NRXN3: variants seen among roughly 807,000 people sequenced by gnomAD.
NRXN3 encodes neurexin III.
NRXN3 carries 32 observed loss-of-function variants against 137.6 expected under a neutral mutation model. The observed-to-expected ratio is 0.23, with a 90% CI of 0.18 to 0.31. NRXN3 has a LOEUF of 0.31. Ranked by LOEUF, NRXN3 falls within the 10% of genes least tolerant of loss-of-function variation. The pLI is 1.00. For synonymous variants in NRXN3, 798 were observed against 784.5 expected, an observed-to-expected ratio of 1.02 and a Z score of -0.29; for missense variants, 1,574 against 2,062.5, an observed-to-expected ratio of 0.76 and a Z score of 4.59.
chr14:79,073,038 C>A (rs1188609899), intron 15 of NRXN3, among the ~76,000 whole-genome samples: 5 of 152,034 alleles, frequency 3.3e-5, no homozygotes, highest in African/African-American at 7.3e-5. Context: ...AGGTGCCCAC[C>A]ACCACGCCTG....
At chr14:78,657,991 C>G (rs991942801) in intron 6 of NRXN3, among the ~76,000 whole-genome samples, 2 of 152,166 alleles carry the variant, frequency 1.3e-5, no homozygotes, top group Non-Finnish European at 2.9e-5. Context: ...TTCCCCATCT[C>G]CGTTCCGTTT....
intron 15 of NRXN3, among the ~76,000 whole-genome samples, chr14:79,137,891 AG>A (rs1325428773): frequency 2.0e-5 from 3 of 152,164 alleles, no homozygotes; most frequent in African/African-American, 7.2e-5. Context: ...GGACCATAAA[AG>A]CTTTTCCATT....
At chr14:78,175,845 G>A (rs2059213329) in intron 1 of NRXN3, among the ~76,000 whole-genome samples, 1 of 152,110 alleles carries the variant, frequency 6.6e-6, no homozygotes, top group Non-Finnish European at 1.5e-5. Context: ...CTGCTTTCCA[G>A]CCCATGACAC....
At chr14:78,614,550 T>TA (rs530159214) in intron 4 of NRXN3, among the ~76,000 whole-genome samples, 71 of 142,996 alleles carry the variant, frequency 5.0e-4, no homozygotes, top group South Asian at 8.9e-4. Context: ...ATTGTAGAAT[T>TA]AAAAAAAAAA....
intron 8 of NRXN3, among the ~76,000 whole-genome samples, chr14:78,722,705 G>C (rs368374342): frequency 5.9e-5 from 9 of 152,168 alleles, no homozygotes; most frequent in Non-Finnish European, 1.0e-4. Context: ...GAAATTAAGG[G>C]CCACCCAATT....
intron 10 of NRXN3, among the ~76,000 whole-genome samples, chr14:78,913,402 C>T (rs1389503722): frequency 6.6e-6 from 1 of 150,854 alleles, no homozygotes; most frequent in Non-Finnish European, 1.5e-5. Context: ...GCCTCAGCCT[C>T]CTGAGTAGCT....
chr14:79,469,810 T>C (rs911852989), intron 16 of NRXN3, among the ~76,000 whole-genome samples: 2 of 152,110 alleles, frequency 1.3e-5, no homozygotes, highest in African/African-American at 4.8e-5. Flanking sequence ...CCTTCATGGG[T>C]CTAGTCATTT....
chr14:79,755,150 G>T (rs924486296), intron 19 of NRXN3, among the ~76,000 whole-genome samples: 2 of 152,022 alleles, frequency 1.3e-5, no homozygotes, highest in Non-Finnish European at 2.9e-5. Flanking sequence ...AAGTCAAGAT[G>T]ACCCATTTCT....
At chr14:79,658,043 G>A (rs2098514910) in intron 16 of NRXN3, among the ~76,000 whole-genome samples, 1 of 152,012 alleles carries the variant, frequency 6.6e-6, no homozygotes, top group African/African-American at 2.4e-5. Context: ...CTCACAATTA[G>A]GCTAAGTGGA....
intron 10 of NRXN3, among the ~76,000 whole-genome samples, chr14:78,913,274 CTTTTTTTT>C (rs1157942892): frequency 2.1e-5 from 1 of 47,852 alleles, no homozygotes; most frequent in Non-Finnish European, 3.5e-5. Context: ...TTCTTTCTTT[CTTTTTTTT>C]TTTTTTTTTT....
intron 16 of NRXN3, among the ~76,000 whole-genome samples, chr14:79,550,814 A>G (rs1385461951): frequency 2.0e-5 from 3 of 152,198 alleles, no homozygotes; most frequent in Non-Finnish European, 4.4e-5. Context: ...TCAACACTAA[A>G]ACAAGGAGTA....
chr14:79,300,882 A>G (rs554596072), intron 15 of NRXN3, among the ~76,000 whole-genome samples: 1 of 152,174 alleles, frequency 6.6e-6, no homozygotes, highest in East Asian at 1.9e-4. Context: ...GGACCTTCAC[A>G]GAAAATAAAG....
intron 15 of NRXN3, among the ~76,000 whole-genome samples, chr14:79,237,073 C>T (rs2073502857): frequency 1.3e-5 from 2 of 148,706 alleles, no homozygotes; most frequent in African/African-American, 4.9e-5. Context: ...TATGGTGTCA[C>T]AAGGGTGTTT....
At chr14:78,811,850 T>C (rs1019598649) in intron 10 of NRXN3, among the ~76,000 whole-genome samples, 5 of 152,226 alleles carry the variant, frequency 3.3e-5, no homozygotes, top group African/African-American at 9.6e-5. Context: ...TGTCTTGGCA[T>C]CACTTACAGT....
chr14:78,480,547 A>C (rs1387019901), intron 4 of NRXN3, among the ~76,000 whole-genome samples: 1 of 152,168 alleles, frequency 6.6e-6, no homozygotes, highest in East Asian at 1.9e-4. Flanking sequence ...GAAGTATAAA[A>C]ATTGTTTTCA....
chr14:79,221,169 T>C (rs1035180599), intron 15 of NRXN3, among the ~76,000 whole-genome samples: 1 of 152,184 alleles, frequency 6.6e-6, no homozygotes, highest in East Asian at 1.9e-4. Flanking sequence ...GGCATTTAGG[T>C]TGGCTCCAAG....
chr14:78,371,789 A>C (rs1434294930), intron 4 of NRXN3, among the ~76,000 whole-genome samples: 1 of 152,266 alleles, frequency 6.6e-6, no homozygotes, highest in Non-Finnish European at 1.5e-5. Context: ...GTTCCTGGCC[A>C]TGAAAGGATC....
intron 10 of NRXN3, among the ~76,000 whole-genome samples, chr14:78,839,912 T>G (rs758901880): frequency 1.4e-4 from 21 of 152,244 alleles, no homozygotes; most frequent in Non-Finnish European, 2.8e-4. Context: ...AAGGAAAACT[T>G]GTATAAAGAC....
chr14:79,849,236 G>T (rs28437542), intron 20 of NRXN3, among the ~76,000 whole-genome samples: 2,850 of 152,074 alleles, frequency 0.019, 94 homozygotes, highest in African/African-American at 0.066. Context: ...TCTCCATACC[G>T]AAGCCAAAGT....
Sources: gnomAD v4.1 joint callset for allele counts (sites outside exome capture counted in the v4.1 genomes callset) on GRCh38, gnomAD v4.1.1 for gene constraint, MANE v1.5 for transcripts, NCBI Gene and HGNC (gene_info 2026-07-23, HGNC 2026-07-21) for gene names.